The following PDK1 variants were observed in gnomAD, a reference collection of about 807,000 sequenced individuals.
PDK1 encodes pyruvate dehydrogenase kinase 1.
In PDK1, 39 loss-of-function variants were observed where a neutral mutation model predicts 54.2. The observed-to-expected ratio is 0.72, with a 90% CI of 0.56 to 0.94. PDK1 has a LOEUF of 0.94. Ranked by LOEUF, PDK1 falls within the 40% of genes least tolerant of loss-of-function variation. PDK1 has a pLI of 0.00. For synonymous variants in PDK1, 221 were observed against 207.1 expected (o/e 1.07, Z -0.58); for missense variants, 552 against 566.0 (o/e 0.98, Z 0.25).
the PDK1 span, among the ~76,000 whole-genome samples, chr2:172,648,439 G>C: frequency 6.6e-6 from 1 of 152,178 alleles, no homozygotes; most frequent in African/African-American, 2.4e-5. Context: ...GAGCAATGCA[G>C]AAGACGAGTG....
At chr2:172,638,473 T>C in the PDK1 span, among the ~76,000 whole-genome samples, 1 of 152,250 alleles carries the variant, frequency 6.6e-6, no homozygotes, top group Non-Finnish European at 1.5e-5. Flanking sequence ...GTAGAAAATA[T>C]TATTTCTTTG....
At position 172,572,678 on chromosome 2, in the gene PDK1, T is replaced by C. The variant is rs192983604; in HGVS notation, c.945+1854T>C. On this transcript the variant is annotated intron_variant, in intron 8 of 10. Transcript: ENST00000282077. Reference sequence around the variant, plus strand: ...CAGCAGAGGGTGCGGTGAGCCAAGATTGCACCACTGCACTCCAGCCTGGGT... The same window carrying C: ...CAGCAGAGGGTGCGGTGAGCCAAGACTGCACCACTGCACTCCAGCCTGGGT... Among the ~76,000 whole-genome samples, 509 of 152,222 alleles carry C rather than the reference T, an allele frequency of 3.3e-3. 10 individuals are homozygous for C. Among genetic ancestry groups the C allele is most frequent in the Admixed American group, 0.03 (466 of 15,294 alleles).
At chr2:172,556,009 C>G, upstream of PDK1, 2 of 531,438 alleles carry the variant, frequency 3.8e-6, no homozygotes, top group Non-Finnish European at 5.9e-6. Flanking sequence ...CGCAGGGGGC[C>G]GGGCTCCGGC....
the PDK1 span, among the ~76,000 whole-genome samples, chr2:172,640,609 A>G: frequency 6.6e-6 from 1 of 152,244 alleles, no homozygotes; most frequent in African/African-American, 2.4e-5. Context: ...GTTTTGCTTA[A>G]ATAACACAGG....
the PDK1 span, among the ~76,000 whole-genome samples, chr2:172,637,656 C>G: frequency 2.0e-5 from 3 of 152,034 alleles, no homozygotes; most frequent in East Asian, 1.9e-4. Context: ...CTGATCTGCT[C>G]TCTTCTCTAC....
rs1210823901 is a variant in PDK1, at chr2:172,566,930, A to G, written c.766A>G (p.Asn256Asp). 6.3e-7 allele frequency: 1 copy of G among 1,592,670 alleles called. No homozygotes were observed. The highest frequency in any genetic ancestry group is 8.6e-7 in the Non-Finnish European group (1 of 1,161,312). Reference sequence around the variant, plus strand: ...TCCCGAACTAGAACTTGAAGAACTAAATGGTAAGCCTGATGTTGTCTTTTT... The same window carrying G: ...TCCCGAACTAGAACTTGAAGAACTAGATGGTAAGCCTGATGTTGTCTTTTT... The part of the protein sequence containing the change: ...NSPELELEEL[N>D]AKSPGQPIQV... The change falls in exon 6 of 11, where the codon AAT becomes GAT. Residue 256 changes from asparagine (N) to aspartate (D), a missense_variant. Physicochemically the swap from Asn to Asp is conservative, Grantham distance 23. Transcript: ENST00000282077.
At chr2:172,660,244 TC>T in the PDK1 span, among the ~76,000 whole-genome samples, 2 of 85,208 alleles carry the variant, frequency 2.3e-5, no homozygotes, top group African/African-American at 4.9e-5. Context: ...TCTCTCTCTC[TC>T]TCTTTTTTTT....
chr2:172,628,523 T>G, the PDK1 span, among the ~76,000 whole-genome samples: 1 of 152,190 alleles, frequency 6.6e-6, no homozygotes, highest in African/African-American at 2.4e-5. Flanking sequence ...TGTCAGTAGG[T>G]ACCAGGCAAG....
chr2:172,668,761 AT>A, the PDK1 span, among the ~76,000 whole-genome samples: 1 of 146,564 alleles, frequency 6.8e-6, no homozygotes, highest in South Asian at 2.1e-4. Context: ...ATATATATAT[AT>A]TTTCTATATA....
At chr2:172,709,649 G>A in the PDK1 span, among the ~76,000 whole-genome samples, 2 of 152,064 alleles carry the variant, frequency 1.3e-5, no homozygotes, top group Non-Finnish European at 2.9e-5. Context: ...GTCACCCAAC[G>A]GCACAATTCA....
At chr2:172,654,608 C>A in the PDK1 span, among the ~76,000 whole-genome samples, 1 of 74,836 alleles carries the variant, frequency 1.3e-5, no homozygotes, top group Non-Finnish European at 2.5e-5. Context: ...CGGGGCCTGT[C>A]GTGGGGTGGG....
At chr2:172,701,263 G>A in the PDK1 span, among the ~76,000 whole-genome samples, 1 of 152,112 alleles carries the variant, frequency 6.6e-6, no homozygotes, top group Non-Finnish European at 1.5e-5. Flanking sequence ...CCACATTTGT[G>A]TGTCAAAGTC....
At chr2:172,676,191 A>T in the PDK1 span, among the ~76,000 whole-genome samples, 1 of 152,174 alleles carries the variant, frequency 6.6e-6, no homozygotes, top group Non-Finnish European at 1.5e-5. Flanking sequence ...CATGATTTTC[A>T]TGCCTGCTAA....
chr2:172,619,851 A>T, the PDK1 span, among the ~76,000 whole-genome samples: 1 of 152,182 alleles, frequency 6.6e-6, no homozygotes, highest in South Asian at 2.1e-4. Context: ...TTAATGTTTT[A>T]CATGAAGAAC....
chr2:172,635,414 C>T, the PDK1 span, among the ~76,000 whole-genome samples: 1 of 152,136 alleles, frequency 6.6e-6, no homozygotes, highest in Non-Finnish European at 1.5e-5. Flanking sequence ...CTCCCGGGTT[C>T]AAGTGATTCT....
the PDK1 span, among the ~76,000 whole-genome samples, chr2:172,661,020 C>T: frequency 9.9e-5 from 15 of 152,066 alleles, no homozygotes; most frequent in Non-Finnish European, 1.5e-4. Context: ...TTCATACTGA[C>T]GTTGGGGGGT....
the PDK1 span, among the ~76,000 whole-genome samples, chr2:172,711,346 C>G: frequency 1.3e-5 from 2 of 152,206 alleles, no homozygotes; most frequent in African/African-American, 2.4e-5. Context: ...ACCTTCCACC[C>G]TCACAGTTTA....
chr2:172,569,505 T>C (rs1341070268), intron 7 of PDK1, among the ~76,000 whole-genome samples: 1 of 152,096 alleles, frequency 6.6e-6, no homozygotes, highest in Admixed American at 6.5e-5. Context: ...TTGCCCTCTA[T>C]CAGAAGCTTG....
intron 9 of PDK1, among the ~76,000 whole-genome samples, chr2:172,588,983 T>C (rs1690417196): frequency 6.6e-6 from 1 of 152,146 alleles, no homozygotes; most frequent in Non-Finnish European, 1.5e-5. Context: ...CCCTCCAACC[T>C]TGAGAGGGAT....
Sources: allele counts gnomAD v4.1 joint callset (sites outside exome capture counted in the v4.1 genomes callset), GRCh38; gene constraint gnomAD v4.1.1; transcripts MANE v1.5; gene names NCBI Gene and HGNC (gene_info 2026-07-23, HGNC 2026-07-21).